EYS: variants seen among roughly 807,000 people sequenced by gnomAD.
EYS encodes the protein EGF-like photoreceptor maintenance factor.
A neutral mutation model predicts 282.1 loss-of-function variants in EYS; 250 were observed. That is an observed-to-expected ratio of 0.89 (90% confidence interval 0.80 to 0.98). The LOEUF (loss-of-function observed/expected upper bound fraction) is 0.98, where lower values mean the gene tolerates loss of function less well. Ranked by LOEUF, EYS falls within the 50% of genes least tolerant of loss-of-function variation. The pLI, the probability that EYS is intolerant of heterozygous loss-of-function variation, is 0.00. For synonymous variants in EYS, 1,355 were observed against 1,282.9 expected (o/e 1.06, Z -1.20); for missense variants, 4,016 against 3,709.0 (o/e 1.08, Z -2.15).
chr6:64,982,891 A>G (rs1770724344), intron 14 of EYS, among the ~76,000 whole-genome samples: 1 of 151,176 alleles, frequency 6.6e-6, no homozygotes, highest in South Asian at 2.1e-4. Flanking sequence ...TATGATTTGT[A>G]CAGAATCGTT....
chr6:64,984,195 G>C (rs1770773763), intron 14 of EYS, among the ~76,000 whole-genome samples: 2 of 151,094 alleles, frequency 1.3e-5, no homozygotes, highest in African/African-American at 4.8e-5. Context: ...ATAGTCTCTG[G>C]GCCCTCCAGA....
intron 31 of EYS, among the ~76,000 whole-genome samples, chr6:64,226,004 T>G (rs761187626): frequency 2.6e-5 from 4 of 152,156 alleles, no homozygotes; most frequent in Admixed American, 2.6e-4. Context: ...ATATTAACAT[T>G]TGAAAAGGCA....
intron 12 of EYS, among the ~76,000 whole-genome samples, chr6:65,205,913 G>T (rs540481182): frequency 6.6e-6 from 1 of 151,772 alleles, no homozygotes; most frequent in Non-Finnish European, 1.5e-5. Context: ...AGCTAATTGT[G>T]TTAAGTCCCT....
chr6:64,999,912 AAAACCT>A (rs1333732154), intron 13 of EYS, among the ~76,000 whole-genome samples: 3 of 152,168 alleles, frequency 2.0e-5, no homozygotes, highest in Admixed American at 6.5e-5. Flanking sequence ...TCCACCCAGT[AAAACCT>A]TGCACTCATT....
At chr6:64,950,786 CATATACATATACAT>C (rs1769461105) in intron 14 of EYS, among the ~76,000 whole-genome samples, 1 of 84,864 alleles carries the variant, frequency 1.2e-5, no homozygotes, top group Admixed American at 1.6e-4. Context: ...AATATATACA[CATATACATATACAT>C]ATATATATAT....
chr6:65,640,913 T>A (rs1357779579), intron 1 of EYS, among the ~76,000 whole-genome samples: 1 of 152,080 alleles, frequency 6.6e-6, no homozygotes, highest in East Asian at 1.9e-4. Context: ...GCCAGTAAAA[T>A]TTATTATCTG....
At chr6:64,335,359 T>C (rs1401898201) in intron 29 of EYS, among the ~76,000 whole-genome samples, 3 of 151,484 alleles carry the variant, frequency 2.0e-5, no homozygotes, top group Non-Finnish European at 4.4e-5. Flanking sequence ...CCTCAAAGTT[T>C]ATTACAGGCC....
chr6:65,545,626 C>T (rs1342831027), intron 2 of EYS, among the ~76,000 whole-genome samples: 5 of 151,860 alleles, frequency 3.3e-5, no homozygotes, highest in Middle Eastern at 3.2e-3. Context: ...TGTATATGTA[C>T]GTAATGTAAA....
At chr6:65,400,832 T>C (rs1378209448) in intron 7 of EYS, among the ~76,000 whole-genome samples, 1 of 151,868 alleles carries the variant, frequency 6.6e-6, no homozygotes, top group African/African-American at 2.4e-5. Context: ...ATTTTTTTTC[T>C]CCCAAATTCA....
intron 31 of EYS, among the ~76,000 whole-genome samples, chr6:64,142,933 G>C (rs1034871220): frequency 2.1e-4 from 32 of 152,104 alleles, no homozygotes; most frequent in African/African-American, 7.0e-4. Context: ...GTGATCAATG[G>C]ATTCAGTAGG....
chr6:64,964,632 G>A (rs1770034663), intron 14 of EYS, among the ~76,000 whole-genome samples: 1 of 152,106 alleles, frequency 6.6e-6, no homozygotes, highest in South Asian at 2.1e-4. Context: ...TATATTCTTT[G>A]CTCTTTAGCG....
At chr6:64,740,935 G>A (rs192797182) in intron 22 of EYS, among the ~76,000 whole-genome samples, 5 of 152,100 alleles carry the variant, frequency 3.3e-5, no homozygotes, top group Admixed American at 6.5e-5. Flanking sequence ...GGATGGTCTC[G>A]ATCTCCTGAC....
At chr6:65,566,831 G>A (rs1769298035) in intron 2 of EYS, among the ~76,000 whole-genome samples, 1 of 152,126 alleles carries the variant, frequency 6.6e-6, no homozygotes, top group Admixed American at 6.6e-5. Flanking sequence ...CATATCCAAA[G>A]AGTTAGCTCA....
intron 22 of EYS, among the ~76,000 whole-genome samples, chr6:64,800,017 A>G (rs1193586451): frequency 6.6e-6 from 1 of 152,004 alleles, no homozygotes; most frequent in Non-Finnish European, 1.5e-5. Flanking sequence ...TTATCTTCCA[A>G]TATATCACTA....
intron 2 of EYS, among the ~76,000 whole-genome samples, chr6:65,602,840 G>A (rs1198418176): frequency 6.6e-6 from 1 of 151,880 alleles, no homozygotes; most frequent in African/African-American, 2.4e-5. Context: ...ACTCCATGGC[G>A]TGACACACTT....
At chr6:65,553,970 C>T (rs1442772936) in intron 2 of EYS, among the ~76,000 whole-genome samples, 1 of 152,076 alleles carries the variant, frequency 6.6e-6, no homozygotes, top group African/African-American at 2.4e-5. Flanking sequence ...TTCCAACTAC[C>T]CATGTGACAT....
At chr6:64,451,053 G>T (rs74182572) in intron 26 of EYS, among the ~76,000 whole-genome samples, 58,457 of 151,816 alleles carry the variant, frequency 0.39, 11,873 homozygotes, top group African/African-American at 0.53. Context: ...CTTCAAAAAA[G>T]CAGTGAATCC....
rs147770886 is a variant in EYS at position 64,748,407 on chromosome 6, T to C, written c.3443+64971A>G. Among the ~76,000 whole-genome samples the C allele has an allele frequency of 4.2e-3, 644 of 152,314 alleles. 6 individuals carry two copies. Among genetic ancestry groups the C allele is most frequent in the African/African-American group, 0.015 (625 of 41,554 alleles). On this transcript the variant is annotated intron_variant, in intron 22 of 42. Coordinates refer to ENST00000503581, the MANE Select transcript of EYS (RefSeq NM_001142800.2). ...ACACCTCAGATTGGGCATTAGATTC[T>C]CATAAGGAGCTGCAACCTGCATCTC...
chr6:65,508,407 C>T (rs1188926210), intron 2 of EYS, among the ~76,000 whole-genome samples: 2 of 152,046 alleles, frequency 1.3e-5, no homozygotes, highest in African/African-American at 4.8e-5. Context: ...GGAGTGGTGG[C>T]TCACACCTGT....
Sources: gnomAD v4.1 joint callset for allele counts (sites outside exome capture counted in the v4.1 genomes callset) on GRCh38, gnomAD v4.1.1 for gene constraint, MANE v1.5 for transcripts, NCBI Gene and HGNC (gene_info 2026-07-23, HGNC 2026-07-21) for gene names.